The following FOLH1 variants were observed in gnomAD, a reference collection of about 807,000 sequenced individuals.
FOLH1 encodes glutamate carboxypeptidase 2.
A neutral mutation model predicts 93.9 loss-of-function variants in FOLH1; 54 were observed. The observed-to-expected ratio is 0.57, with a 90% CI of 0.46 to 0.72. FOLH1 has a LOEUF of 0.72. Ranked by LOEUF, FOLH1 falls within the 30% of genes least tolerant of loss-of-function variation. The pLI, the probability that FOLH1 is intolerant of heterozygous loss-of-function variation, is 0.00. For synonymous variants in FOLH1, 249 were observed against 303.6 expected, an observed-to-expected ratio of 0.82 and a Z score of 1.87; for missense variants, 571 against 892.5, an observed-to-expected ratio of 0.64 and a Z score of 4.59.
intron 17 of FOLH1, among the ~76,000 whole-genome samples, chr11:49,152,793 C>G (rs1856627423): frequency 6.6e-6 from 1 of 152,098 alleles, no homozygotes; most frequent in African/African-American, 2.4e-5. Context: ...CTGATTGCAT[C>G]ATTTCCCCAT....
intron 4 of FOLH1, among the ~76,000 whole-genome samples, chr11:49,189,411 T>C (rs1455854584): frequency 6.6e-6 from 1 of 152,218 alleles, no homozygotes; most frequent in Non-Finnish European, 1.5e-5. Flanking sequence ...AAGCTGATTC[T>C]AGGATTAATT....
chr11:49,204,067 T>A (rs1419365616), intron 2 of FOLH1, among the ~76,000 whole-genome samples: 1 of 152,114 alleles, frequency 6.6e-6, no homozygotes, highest in Non-Finnish European at 1.5e-5. Context: ...GAAGAGAGAC[T>A]CAGATGGGCC....
At chr11:49,163,090 C>T (rs568886045) in intron 13 of FOLH1, among the ~76,000 whole-genome samples, 14 of 152,214 alleles carry the variant, frequency 9.2e-5, no homozygotes, top group Admixed American at 5.9e-4. Flanking sequence ...AGCCTGGCCA[C>T]GTTTTTGTAG....
At chr11:49,200,493 A>G in intron 2 of FOLH1, 52 bp from the exon 3 acceptor site, 1 of 1,586,688 alleles carries the variant, frequency 6.3e-7, no homozygotes, top group Non-Finnish European at 8.6e-7. Context: ...ATCAACTTTT[A>G]TTCCAAATCA....
At chr11:49,168,001 TA>T (rs1474784296) in intron 12 of FOLH1, among the ~76,000 whole-genome samples, 4 of 148,772 alleles carry the variant, frequency 2.7e-5, no homozygotes, top group Non-Finnish European at 5.9e-5. Flanking sequence ...ACTAATACAC[TA>T]AAGAAAATAT....
At chr11:49,185,932 C>T (rs974302431) in intron 5 of FOLH1, 77 bp from the exon 6 acceptor site, 26 of 1,459,292 alleles carry the variant, frequency 1.8e-5, no homozygotes, top group East Asian at 4.8e-5. Context: ...TTCAATATTA[C>T]ACTTAAATGA....
chr11:49,200,301 T>C lies in FOLH1; in HGVS notation c.365A>G (p.Lys122Arg). 1 of 1,609,320 alleles carries C rather than the reference T, an allele frequency of 6.2e-7. No homozygotes were observed. The highest frequency in any genetic ancestry group is 8.5e-7 in the Non-Finnish European group (1 of 1,177,184). Reference protein sequence around the residue: ...HYDVLLSYPNKTHPNYISIIN... With the variant: ...HYDVLLSYPNRTHPNYISIIN... ...TATTGAGATGTAGTTGGGATGAGTC[T>C]TATTTGGGTAGGACAACAGGACATC... The change falls in exon 3 of 19, where the codon AAG (lysine) becomes AGG (arginine). Residue 122 changes from lysine (K) to arginine (R), a missense_variant. Transcript: ENST00000256999.
chr11:49,197,804 A>C (rs1356967833), intron 3 of FOLH1, among the ~76,000 whole-genome samples: 1 of 152,178 alleles, frequency 6.6e-6, no homozygotes, highest in East Asian at 1.9e-4. Context: ...CCTGCATCTG[A>C]AATAAAAGCC....
At chr11:49,156,935 G>A in intron 14 of FOLH1, 128 bp from the exon 15 acceptor site, 1 of 1,463,432 alleles carries the variant, frequency 6.8e-7, no homozygotes, top group Non-Finnish European at 9.2e-7. Flanking sequence ...CTTTAGACAT[G>A]CAGCAAAAAC....
rs1863548025 is a variant in FOLH1 at position 49,203,915 on chromosome 11, G to A, written c.224+2152C>T. Among the ~76,000 whole-genome samples the A allele has an allele frequency of 1.3e-5, 2 of 152,272 alleles. 1 individual carries two copies. The highest frequency in any genetic ancestry group is 4.1e-4 in the South Asian group (2 of 4,828). On this transcript the variant is annotated intron_variant, in intron 2 of 18. Coordinates refer to ENST00000256999, the MANE Select transcript of FOLH1 (RefSeq NM_004476.3). ...AAATGATTTAGCAGTGCCAGGGAGA[G>A]GCCAGCTCTTGATGGTCCACACCTG...
chr11:49,148,679 A>G lies in FOLH1; in HGVS notation c.2023T>C (p.Phe675Leu), dbSNP rs1447444803. Residue 675 changes from phenylalanine (F) to leucine (L), a missense_variant, in exon 18 of 19, where the codon TTT becomes CTT. Physicochemically the swap from Phe to Leu is conservative, Grantham distance 22 (BLOSUM62 0). Transcript: ENST00000256999. ...NDQLMFLERA[F>L]IDPLGLPDRP... ...TCTGGTAACCCTAATGGATCAATAA[A>G]TGCTCTTTCCAGAAACATGAGTTGA... The G allele has an allele frequency of 6.2e-7, 1 of 1,606,966 alleles. No individual in the cohort carries two copies. Among genetic ancestry groups the G allele is most frequent in the Non-Finnish European group, 8.5e-7 (1 of 1,177,294 alleles).
intron 18 of FOLH1, among the ~76,000 whole-genome samples, chr11:49,147,430 C>T (rs1413519590): frequency 8.3e-6 from 1 of 120,372 alleles, no homozygotes; most frequent in Non-Finnish European, 1.7e-5. Flanking sequence ...TTGTGATCAG[C>T]CAACCCTCTA....
At chr11:49,171,165 A>T (rs781079266) in intron 11 of FOLH1, 30 bp downstream of exon 11, 110 of 1,552,582 alleles carry the variant, frequency 7.1e-5, no homozygotes, top group Non-Finnish European at 9.6e-5. Flanking sequence ...ATTTTATAAA[A>T]ATTTATATTA....
In FOLH1 at chr11:49,183,245, G is replaced by GAAA; in HGVS notation, c.827-6_827-4dup. The stretch of plus-strand genomic sequence containing the variant: ...AATTCCACGCCTATAAGCATATTCT[G>GAAA]AAAAAAAAAATTGCCATATTTCCAG... On this transcript the variant is annotated splice_region_variant and splice_polypyrimidine_tract_variant and intron_variant, in intron 6 of 18. Coordinates refer to ENST00000256999, the MANE Select transcript of FOLH1 (RefSeq NM_004476.3). The GAAA allele has an allele frequency of 6.7e-7, 1 of 1,498,930 alleles. No individual in the cohort carries two copies. The highest frequency in any genetic ancestry group is 9.0e-7 in the Non-Finnish European group (1 of 1,107,406). The allele number at this position is 1,498,930 out of a possible 1,614,324, so 92.9% of individuals were successfully genotyped here. A position where few individuals can be genotyped will look rare whatever the true frequency, so the allele number is the denominator to read the frequency against.
In FOLH1 at chr11:49,154,424, C is replaced by T. The variant is rs553564027; in HGVS notation, c.1692G>A (p.Lys564=). 6.2e-7 allele frequency: 1 copy of T among 1,611,564 alleles called. No homozygotes were observed. Among genetic ancestry groups the T allele is most frequent in the South Asian group, 1.1e-5 (1 of 91,030 alleles). ...GATATTTAAACATTGGATCATAAAACTTTTCCACCAACTCATATGTTTCAT... is the reference window on the plus strand; with the variant it reads ...GATATTTAAACATTGGATCATAAAATTTTTCCACCAACTCATATGTTTCAT... ...SVYETYELVE[K]FYDPMFKYHL... The change falls in exon 16 of 19, where the codon AAG becomes AAA. Residue 564 remains lysine, a synonymous_variant. Transcript: ENST00000256999.
Position 49,200,456 on chromosome 11 carries a change from T to C in FOLH1, c.225-15A>G, listed in dbSNP as rs1326746094. 1.2e-6 allele frequency: 2 copies of C among 1,612,088 alleles called. No individual in the cohort carries two copies. Among genetic ancestry groups the C allele is most frequent in the Non-Finnish European group, 1.7e-6 (2 of 1,179,222 alleles). ...GTGTAAAATTACTGGTGAACAAAAA[T>C]TGAAAGTGGTTAGATATTAATGTTT... On this transcript the variant is annotated splice_polypyrimidine_tract_variant and intron_variant, in intron 2 of 18. Coordinates refer to ENST00000256999, the MANE Select transcript of FOLH1 (RefSeq NM_004476.3).
rs1364158160 is a variant in FOLH1, at chr11:49,145,905, C to A, written c.*851G>T. ...ATCAGCAAAATATGGCAAACTACAG[C>A]CACAGTGATAATATATTTGAACCCT... On this transcript the variant is annotated 3_prime_UTR_variant, in exon 19 of 19. Coordinates refer to ENST00000256999, the MANE Select transcript of FOLH1 (RefSeq NM_004476.3). Among the ~76,000 whole-genome samples the A allele has an allele frequency of 6.6e-6, 1 of 151,980 alleles. No individual in the cohort carries two copies. The highest frequency in any genetic ancestry group is 1.5e-5 in the Non-Finnish European group (1 of 67,996).
rs140860006 is a variant in FOLH1 at position 49,146,799 on chromosome 11, A to T, written c.2210T>A (p.Phe737Tyr). The T allele has an allele frequency of 6.2e-7, 1 of 1,613,274 alleles. No individual in the cohort carries two copies. The highest frequency in any genetic ancestry group is 1.3e-5 in the African/African-American group (1 of 74,868). Residue 737 changes from phenylalanine to tyrosine, a missense_variant, in exon 19 of 19, where the codon TTC becomes TAC. Coordinates refer to ENST00000256999, the MANE Select transcript of FOLH1 (RefSeq NM_004476.3). Reference protein sequence around the residue: ...EVKRQIYVAAFTVQAAAETLS... With the variant: ...EVKRQIYVAAYTVQAAAETLS... ...AGTCTCTGCAGCTGCCTGCACTGTG[A>T]AGGCTGCAACATAAATCTGTCTCTT... is the stretch of plus-strand genomic sequence containing the variant.
chr11:49,179,594 T>C lies in FOLH1; in HGVS notation c.920+3555A>G, dbSNP rs183598529. Among the ~76,000 whole-genome samples, 545 of 152,276 alleles carry C rather than the reference T, an allele frequency of 3.6e-3. 3 individuals carry two copies. Among genetic ancestry groups the C allele is most frequent in the South Asian group, 0.029 (139 of 4,824 alleles). ...ACACAACATACCAATATTTATGAGA[T>C]GCAGCAAAAACAGTGCTTAAAGGAA... On this transcript the variant is annotated intron_variant, in intron 7 of 18. Transcript: ENST00000256999.
Sources: allele counts gnomAD v4.1 joint callset (sites outside exome capture counted in the v4.1 genomes callset), GRCh38; gene constraint gnomAD v4.1.1; transcripts MANE v1.5; gene names NCBI Gene and HGNC (gene_info 2026-07-23, HGNC 2026-07-21).